Variants in CEP128 observed in about 807,000 individuals in gnomAD.
The protein encoded by CEP128 is centrosomal protein 128.
A neutral mutation model predicts 156.7 loss-of-function variants in CEP128; 132 were observed. The ratio of observed to expected loss-of-function variants is 0.84; its 90% CI spans 0.73 to 0.97. CEP128 has a LOEUF of 0.97. Ranked by LOEUF, CEP128 falls within the 50% of genes least tolerant of loss-of-function variation. CEP128 has a pLI of 0.00. For missense variants in CEP128, 1,252 were observed against 1,281.9 expected, an observed-to-expected ratio of 0.98 and a Z score of 0.36; for synonymous variants, 469 against 448.9, an observed-to-expected ratio of 1.04 and a Z score of -0.57.
chr14:80,899,886 T>C (rs1883430768), intron 7 of CEP128, 52 bp downstream of exon 7: 2 of 1,255,176 alleles, frequency 1.6e-6, no homozygotes, highest in Non-Finnish European at 1.2e-6. Context: ...CAGAAGCTAA[T>C]TTATTCTCCT....
chr14:80,638,538 A>G (rs8012237), intron 19 of CEP128, among the ~76,000 whole-genome samples: 1 of 152,022 alleles, frequency 6.6e-6, no homozygotes, highest in African/African-American at 2.4e-5. Flanking sequence ...ATCAGAGAGG[A>G]CTTTGCTGAC....
intron 22 of CEP128, among the ~76,000 whole-genome samples, chr14:80,527,988 A>G (rs1331353960): frequency 1.3e-5 from 2 of 152,168 alleles, no homozygotes; most frequent in Non-Finnish European, 2.9e-5. Flanking sequence ...AAAAACAATG[A>G]GGACAACTGA....
intron 23 of CEP128, among the ~76,000 whole-genome samples, chr14:80,515,004 T>A (rs372969308): frequency 2.4e-4 from 36 of 152,322 alleles, no homozygotes; most frequent in African/African-American, 8.7e-4. Context: ...TGCGTGGCGG[T>A]CTTGAATAAG....
chr14:80,872,500 A>G (rs146993517), intron 8 of CEP128, among the ~76,000 whole-genome samples: 1 of 152,220 alleles, frequency 6.6e-6, no homozygotes, highest in Admixed American at 6.5e-5. Flanking sequence ...GAGAAAATGC[A>G]TGATAAACAA....
At chr14:80,907,941 G>A (rs143248265) in intron 4 of CEP128, among the ~76,000 whole-genome samples, 11 of 152,146 alleles carry the variant, frequency 7.2e-5, no homozygotes, top group African/African-American at 1.9e-4. Context: ...AAAAATTAGC[G>A]TCAGAAATAA....
intron 19 of CEP128, among the ~76,000 whole-genome samples, chr14:80,660,189 C>T (rs1249081854): frequency 6.6e-6 from 1 of 152,146 alleles, no homozygotes; most frequent in African/African-American, 2.4e-5. Flanking sequence ...AAAGACAGAA[C>T]AGAACCTGAC....
chr14:80,603,525 G>A (rs1390212978), intron 19 of CEP128, among the ~76,000 whole-genome samples: 3 of 152,028 alleles, frequency 2.0e-5, no homozygotes, highest in Admixed American at 6.6e-5. Flanking sequence ...AGAAAACATG[G>A]GAAGACCACT....
chr14:80,818,397 C>CA (rs1224943921), intron 13 of CEP128, among the ~76,000 whole-genome samples: 1 of 152,212 alleles, frequency 6.6e-6, no homozygotes, highest in Non-Finnish European at 1.5e-5. Context: ...AACAAAAACT[C>CA]AGAGAATCTG....
At chr14:80,779,805 C>T (rs1055380023) in intron 15 of CEP128, among the ~76,000 whole-genome samples, 3 of 152,148 alleles carry the variant, frequency 2.0e-5, no homozygotes, top group Non-Finnish European at 4.4e-5. Context: ...GTTTTTATTA[C>T]GTTTATATTT....
At chr14:80,644,886 T>C (rs1336339121) in intron 19 of CEP128, among the ~76,000 whole-genome samples, 2 of 152,164 alleles carry the variant, frequency 1.3e-5, no homozygotes, top group Admixed American at 6.6e-5. Flanking sequence ...CAACAATATG[T>C]TCTGAAATTA....
chr14:80,544,449 G>T (rs1414766441), intron 21 of CEP128, among the ~76,000 whole-genome samples: 1 of 151,970 alleles, frequency 6.6e-6, no homozygotes, highest in African/African-American at 2.4e-5. Context: ...CCCTTTTTGA[G>T]GTGTCCTCAC....
At chr14:80,930,433 C>A (rs1050595464) in intron 2 of CEP128, among the ~76,000 whole-genome samples, 1 of 152,030 alleles carries the variant, frequency 6.6e-6, no homozygotes, top group African/African-American at 2.4e-5. Flanking sequence ...CTACCCCTAG[C>A]CAAAATGAGT....
chr14:80,637,699 G>A (rs1050425867), intron 19 of CEP128, among the ~76,000 whole-genome samples: 4 of 152,152 alleles, frequency 2.6e-5, no homozygotes, highest in Admixed American at 6.5e-5. Context: ...ACCTGTGAAT[G>A]TTATCCTATC....
At chr14:80,492,484 A>G (rs565500318), downstream of CEP128, among the ~76,000 whole-genome samples, 16 of 152,212 alleles carry the variant, frequency 1.1e-4, no homozygotes, top group Non-Finnish European at 2.2e-4. Flanking sequence ...TAAAGGACAG[A>G]AAGTTGCTTC....
chr14:80,636,814 C>T (rs1398027599), intron 19 of CEP128, among the ~76,000 whole-genome samples: 4 of 152,250 alleles, frequency 2.6e-5, no homozygotes, highest in African/African-American at 7.2e-5. Context: ...TGGCCAGGCA[C>T]GGTGGCTCAC....
chr14:80,755,245 C>T (rs959088314), intron 18 of CEP128, among the ~76,000 whole-genome samples: 15 of 152,180 alleles, frequency 9.9e-5, no homozygotes, highest in African/African-American at 3.1e-4. Context: ...CTTGGACTGG[C>T]TCTCCTTGCT....
chr14:80,946,021 G>A (rs1192607669), upstream of CEP128, among the ~76,000 whole-genome samples: 3 of 152,180 alleles, frequency 2.0e-5, no homozygotes, highest in Admixed American at 6.5e-5. Flanking sequence ...TATCAGCAAT[G>A]TTACTTCAAA....
At chr14:80,650,373 T>C (rs1266061689) in intron 19 of CEP128, among the ~76,000 whole-genome samples, 3 of 152,284 alleles carry the variant, frequency 2.0e-5, no homozygotes, top group East Asian at 1.9e-4. Context: ...CAGAGACAAA[T>C]TGACTTGCTT....
At chr14:80,866,370 G>A (rs969454814) in intron 8 of CEP128, among the ~76,000 whole-genome samples, 6 of 152,180 alleles carry the variant, frequency 3.9e-5, no homozygotes, top group Middle Eastern at 3.4e-3. Context: ...GTAGACCCTC[G>A]TGCCAGGCCA....
Sources: allele counts gnomAD v4.1 joint callset (sites outside exome capture counted in the v4.1 genomes callset), GRCh38; gene constraint gnomAD v4.1.1; transcripts MANE v1.5; gene names NCBI Gene and HGNC (gene_info 2026-07-23, HGNC 2026-07-21).